The following LRRK2 variants were observed in gnomAD, a reference collection of about 807,000 sequenced individuals.
LRRK2 encodes the protein leucine rich repeat kinase 2.
A neutral mutation model predicts 302.6 loss-of-function variants in LRRK2; 203 were observed. The ratio of observed to expected loss-of-function variants is 0.67; its 90% CI spans 0.60 to 0.75. The LOEUF (loss-of-function observed/expected upper bound fraction) is 0.75. Ranked by LOEUF, LRRK2 falls within the 30% of genes least tolerant of loss-of-function variation. The pLI, the probability that LRRK2 is intolerant of heterozygous loss-of-function variation, is 0.00. For synonymous variants in LRRK2, 1,066 were observed against 1,031.9 expected, an observed-to-expected ratio of 1.03 and a Z score of -0.63; for missense variants, 2,830 against 2,951.0, an observed-to-expected ratio of 0.96 and a Z score of 0.95.
In LRRK2 at chr12:40,225,103, A is replaced by T. The variant is rs767609591; in HGVS notation, c.-29A>T. 1 of 1,612,630 alleles carries T rather than the reference A, an allele frequency of 6.2e-7. No individual in the cohort carries two copies. The highest frequency in any genetic ancestry group is 1.1e-5 in the South Asian group (1 of 91,004). On this transcript the variant is annotated 5_prime_UTR_variant, in exon 1 of 51. Coordinates refer to ENST00000298910, the MANE Select transcript of LRRK2 (RefSeq NM_198578.4). ...CTGAGCAGCGGACGTTCATGCTGGG[A>T]GGGCGGCGGGTTGGAAGCAGGTGCC...
At chr12:40,298,778 A>AATATATATATATATAT (rs113272586) in intron 24 of LRRK2, among the ~76,000 whole-genome samples, 764 of 60,574 alleles carry the variant, frequency 0.013, 62 homozygotes, top group Admixed American at 0.068. Context: ...GTCTCAAAGA[A>AATATATATATATATAT]ATATATATAT....
intron 7 of LRRK2, among the ~76,000 whole-genome samples, chr12:40,247,108 A>C (rs2136457673): frequency 6.6e-6 from 1 of 152,270 alleles, no homozygotes; most frequent in Non-Finnish European, 1.5e-5. Context: ...GAAAATCATT[A>C]ATCATTTGAA....
At chr12:40,234,270 C>G (rs1941335189) in intron 3 of LRRK2, among the ~76,000 whole-genome samples, 1 of 150,496 alleles carries the variant, frequency 6.6e-6, no homozygotes, top group African/African-American at 2.5e-5. Flanking sequence ...CCAAACAATG[C>G]TTTGCAGGAA....
intron 38 of LRRK2, 134 bp from the exon 39 acceptor site, chr12:40,328,226 A>T (rs1352772527): frequency 8.6e-6 from 6 of 695,568 alleles, no homozygotes; most frequent in Admixed American, 4.6e-5. Flanking sequence ...GTTAAAGGAG[A>T]TTTGATTCAA....
chr12:40,274,615 A>T lies in LRRK2; in HGVS notation c.1689A>T (p.Gly563=). 1 of 1,613,878 alleles carries T rather than the reference A, an allele frequency of 6.2e-7. No homozygotes were observed. Among genetic ancestry groups the T allele is most frequent in the Non-Finnish European group, 8.5e-7 (1 of 1,179,846 alleles). The stretch of plus-strand genomic sequence containing the variant: ...GAAATCCTGGGATTCAGAAATGTGG[A>T]TTAAAAGTAATTTCTTCTATTGTAC... The part of the protein sequence containing the change: ...FIGNPGIQKC[G]LKVISSIVHF... The change falls in exon 15 of 51, where the codon GGA becomes GGT. Residue 563 remains glycine (G), a synonymous_variant. Coordinates refer to ENST00000298910, the MANE Select transcript of LRRK2 (RefSeq NM_198578.4).
At chr12:40,257,186 C>T in intron 11 of LRRK2, 62 bp from the exon 12 acceptor site, 2 of 1,240,042 alleles carry the variant, frequency 1.6e-6, no homozygotes, top group Non-Finnish European at 2.3e-6. Context: ...TATTCTAAAG[C>T]TTATGGTAAA....
At chr12:40,347,048 A>T in intron 42 of LRRK2, 125 bp downstream of exon 42, 1 of 742,696 alleles carries the variant, frequency 1.3e-6, no homozygotes, top group South Asian at 2.0e-5. Flanking sequence ...TAGTGCATAA[A>T]TATTCTTAAA....
Position 40,249,887 on chromosome 12 carries a change from G to T in LRRK2, c.900G>T (p.Gln300His). 6.2e-7 allele frequency: 1 copy of T among 1,613,916 alleles called. No individual in the cohort carries two copies. The highest frequency in any genetic ancestry group is 8.5e-7 in the Non-Finnish European group (1 of 1,179,868). The change falls in exon 8 of 51, where the codon CAG becomes CAT. Residue 300 changes from glutamine to histidine, a missense_variant. Gln to His is a conservative substitution (Grantham distance 24). Coordinates refer to ENST00000298910, the MANE Select transcript of LRRK2 (RefSeq NM_198578.4). ...ATGAGTTTGTGGTGAAAGCTGTGCA[G>T]CAGTACCCAGAGAATGCAGCATTGC... ...EVHEFVVKAV[Q>H]QYPENAALQI...
At chr12:40,359,560 A>G (rs1946643140) in intron 47 of LRRK2, 116 bp downstream of exon 47, 1 of 895,984 alleles carries the variant, frequency 1.1e-6, no homozygotes, top group Non-Finnish European at 1.6e-6. Flanking sequence ...TGCATAATTT[A>G]TTTTCTATCA....
chr12:40,316,766 C>G, intron 33 of LRRK2, among the ~76,000 whole-genome samples: 1 of 152,050 alleles, frequency 6.6e-6, no homozygotes, highest in South Asian at 2.1e-4. Context: ...GAGGTACTTA[C>G]GTAGTTTTGG....
rs201439315 is a variant in LRRK2 at position 40,232,380 on chromosome 12, A to C, written c.344A>C (p.His115Pro). 1.5e-4 allele frequency: 242 copies of C among 1,608,588 alleles called. 2 individuals are homozygous for C. The Middle Eastern group carries it at 2.6e-3, about 17-fold the overall frequency. ...VGNDWEVLGVHQLILKMLTVH... is the reference protein window; with the variant it reads ...VGNDWEVLGVPQLILKMLTVH... ...AATGATTGGGAAGTCCTTGGTGTTC[A>C]CCAGTAAGTATGATAGATATGTAAA... is the stretch of plus-strand genomic sequence containing the variant. The change falls in exon 3 of 51, where the codon CAC becomes CCC. Residue 115 changes from histidine (H) to proline (P), a missense_variant. Around this residue, in one of 3 missense-constraint regions of LRRK2, gnomAD observed 2,121 missense variants for 2,148.0 expected, o/e 0.99. Coordinates refer to ENST00000298910, the MANE Select transcript of LRRK2 (RefSeq NM_198578.4).
intron 41 of LRRK2, among the ~76,000 whole-genome samples, chr12:40,341,863 A>T (rs1436083583): frequency 1.3e-5 from 2 of 152,258 alleles, no homozygotes; most frequent in African/African-American, 4.8e-5. Context: ...CTATTAAAAA[A>T]GTCAAAACAA....
In LRRK2 at chr12:40,314,237, A is replaced by AT. The variant is rs1592275652; in HGVS notation, c.4738+65dup. The AT allele has an allele frequency of 2.0e-6, 3 of 1,464,502 alleles. No individual in the cohort carries two copies. In the East Asian group the frequency reaches 6.9e-5, roughly 34 times the overall value. The allele number at this position is 1,464,502 out of a possible 1,614,324, so 90.7% of individuals were successfully genotyped here. On this transcript the variant is annotated intron_variant, in intron 32 of 50. Transcript: ENST00000298910. ...TAGTAACTTATAAAAGTGTTTCTGA[A>AT]TCTTTTATAGAATTTACATTCAAAG... is the stretch of plus-strand genomic sequence containing the variant.
chr12:40,340,798 G>A (rs1475092619), intron 41 of LRRK2, among the ~76,000 whole-genome samples: 3 of 152,116 alleles, frequency 2.0e-5, no homozygotes, highest in Non-Finnish European at 2.9e-5. Flanking sequence ...CACTTGTGAG[G>A]CAAATCAAAT....
intron 42 of LRRK2, 48 bp from the exon 43 acceptor site, chr12:40,348,361 C>T (rs1592321621): frequency 1.6e-6 from 2 of 1,270,654 alleles, no homozygotes; most frequent in East Asian, 4.6e-5. Context: ...GAAATATAAC[C>T]ATTCTTACTT....
In LRRK2 at chr12:40,346,764, C is replaced by T. The variant is rs199926124; in HGVS notation, c.6121C>T (p.Pro2041Ser). The change falls in exon 42 of 51, where the codon CCT (proline) becomes TCT (serine). Residue 2041 changes from proline to serine, a missense_variant. By Grantham distance (74) the Pro-to-Ser change is moderately conservative. Transcript: ENST00000298910. Reference protein sequence around the residue: ...TSEGTPGFRAPEVARGNVIYN... With the variant: ...TSEGTPGFRASEVARGNVIYN... ...CTGCTTACTTTCAGGGTTTCGTGCA[C>T]CTGAAGTTGCCAGAGGAAATGTCAT... 6.2e-7 allele frequency: 1 copy of T among 1,613,824 alleles called. No homozygotes were observed. Among genetic ancestry groups the T allele is most frequent in the Non-Finnish European group, 8.5e-7 (1 of 1,179,882 alleles).
chr12:40,239,729 T>C (rs969746249), intron 5 of LRRK2, among the ~76,000 whole-genome samples: 43 of 152,306 alleles, frequency 2.8e-4, no homozygotes, highest in African/African-American at 1.0e-3. Flanking sequence ...TTCCATGATA[T>C]TCTTCACTTG....
At chr12:40,341,164 A>C (rs1256374783) in intron 41 of LRRK2, among the ~76,000 whole-genome samples, 1 of 136,714 alleles carries the variant, frequency 7.3e-6, no homozygotes, top group Non-Finnish European at 1.6e-5. Flanking sequence ...GAAGTAAATC[A>C]TTTAGGGGTT....
At chr12:40,255,451 G>A (rs1163862285) in intron 11 of LRRK2, among the ~76,000 whole-genome samples, 1 of 152,200 alleles carries the variant, frequency 6.6e-6, no homozygotes, top group Non-Finnish European at 1.5e-5. Context: ...TGTGTAAAAT[G>A]TTCTATAAAG....
Sources: allele counts gnomAD v4.1 joint callset (sites outside exome capture counted in the v4.1 genomes callset), GRCh38; gene constraint gnomAD v4.1.1; regional missense constraint gnomAD v4.1.1; transcripts MANE v1.5; gene names NCBI Gene and HGNC (gene_info 2026-07-23, HGNC 2026-07-21).